The following TACR3 variants were observed in gnomAD, a reference collection of about 807,000 sequenced individuals.
TACR3 encodes the protein tachykinin receptor 3, also known as neuromedin-K receptor.
TACR3 carries 34 observed loss-of-function variants against 35.0 expected under a neutral mutation model. The observed-to-expected ratio is 0.97, with a 90% confidence interval of 0.74 to 1.30. TACR3 has a LOEUF of 1.30. TACR3 is among the 50% of genes most tolerant of loss of function. The probability of loss-of-function intolerance (pLI) is 0.00; values close to 1 mark genes in which losing one functional copy is unlikely to be tolerated. For synonymous variants in TACR3, 233 were observed against 221.1 expected, an observed-to-expected ratio of 1.05 and a Z score of -0.48; for missense variants, 558 against 591.7, an observed-to-expected ratio of 0.94 and a Z score of 0.59.
chr4:103,694,933 C>T (rs1350889601), intron 1 of TACR3, among the ~76,000 whole-genome samples: 1 of 152,080 alleles, frequency 6.6e-6, no homozygotes, highest in Non-Finnish European at 1.5e-5. Context: ...AATTTGACTG[C>T]AGATTCTTGT....
At position 103,589,888 on chromosome 4, in the gene TACR3, T is replaced by C. The variant is rs1333780583; in HGVS notation, c.1192A>G (p.Ser398Gly). The change falls in exon 5 of 5, where the codon AGC (serine) becomes GGC (glycine). Residue 398 changes from serine (S) to glycine (G), a missense_variant. Physicochemically the swap from Ser to Gly is moderately conservative, Grantham distance 56. Coordinates refer to ENST00000304883, the MANE Select transcript of TACR3 (RefSeq NM_001059.3). ...ATTCTGGTCACGGTGTACATACTGCTTTGCCGGTTTGGATGAAACCTGGTG... is the reference window on the plus strand; with the variant it reads ...ATTCTGGTCACGGTGTACATACTGCCTTGCCGGTTTGGATGAAACCTGGTG... ...KTTRFHPNRQ[S>G]SMYTVTRMES... 1 of 1,613,882 alleles carries C rather than the reference T, an allele frequency of 6.2e-7. No homozygotes were observed. The highest frequency in any genetic ancestry group is 2.2e-5 in the East Asian group (1 of 44,888).
chr4:103,636,815 T>G (rs1287228474), intron 3 of TACR3, among the ~76,000 whole-genome samples: 10 of 152,042 alleles, frequency 6.6e-5, no homozygotes, highest in Admixed American at 1.3e-4. Context: ...AACACCTGTA[T>G]GCAAATAAAC....
At chr4:103,700,567 T>C (rs982504917) in intron 1 of TACR3, among the ~76,000 whole-genome samples, 3 of 152,342 alleles carry the variant, frequency 2.0e-5, no homozygotes, top group Non-Finnish European at 2.9e-5. Flanking sequence ...AAACAGGTGA[T>C]GTCTCCTTAT....
intron 1 of TACR3, among the ~76,000 whole-genome samples, chr4:103,705,620 A>T (rs1722770286): frequency 6.6e-6 from 1 of 152,204 alleles, no homozygotes; most frequent in African/African-American, 2.4e-5. Flanking sequence ...TCTATAAGGA[A>T]ACAGCTAATT....
intron 3 of TACR3, among the ~76,000 whole-genome samples, chr4:103,595,953 A>G (rs1422060243): frequency 7.4e-6 from 1 of 135,012 alleles, no homozygotes; most frequent in Non-Finnish European, 1.5e-5. Context: ...TCCTGTGTCC[A>G]TATGTTCTCA....
intron 1 of TACR3, among the ~76,000 whole-genome samples, chr4:103,710,254 G>C (rs779025551): frequency 1.3e-5 from 2 of 152,148 alleles, no homozygotes; most frequent in Admixed American, 6.6e-5. Context: ...CACACCGTTG[G>C]AAGTAAAGCA....
intron 3 of TACR3, among the ~76,000 whole-genome samples, chr4:103,629,158 T>C (rs1217849634): frequency 7.9e-5 from 12 of 152,058 alleles, no homozygotes; most frequent in Admixed American, 7.9e-4. Flanking sequence ...TCAGAGCTAT[T>C]TATGACAAAC....
intron 1 of TACR3, among the ~76,000 whole-genome samples, chr4:103,708,258 G>C (rs1446433284): frequency 1.3e-5 from 2 of 152,152 alleles, no homozygotes; most frequent in African/African-American, 2.4e-5. Flanking sequence ...CCTCCAGTAG[G>C]GGCAGACTGA....
At chr4:103,632,513 G>C (rs540815398) in intron 3 of TACR3, among the ~76,000 whole-genome samples, 7 of 146,960 alleles carry the variant, frequency 4.8e-5, no homozygotes, top group Non-Finnish European at 6.0e-5. Flanking sequence ...ACAGGAAGGA[G>C]AACAACATAC....
At chr4:103,600,168 C>T (rs1000139051) in intron 3 of TACR3, among the ~76,000 whole-genome samples, 4 of 152,094 alleles carry the variant, frequency 2.6e-5, no homozygotes, top group African/African-American at 9.7e-5. Context: ...TCAACTTCTT[C>T]CTGGTTTAGT....
intron 1 of TACR3, among the ~76,000 whole-genome samples, chr4:103,704,012 G>GAGA (rs1420051974): frequency 1.3e-5 from 2 of 150,382 alleles, no homozygotes; most frequent in East Asian, 4.0e-4. Context: ...GCTGAGGCAG[G>GAGA]AGAATGGAGT....
At chr4:103,665,799 C>T (rs1423039530) in intron 1 of TACR3, among the ~76,000 whole-genome samples, 1 of 152,142 alleles carries the variant, frequency 6.6e-6, no homozygotes, top group Non-Finnish European at 1.5e-5. Context: ...ACCAATCTGA[C>T]TTTTAAAGTT....
At chr4:103,599,049 T>C (rs1724119002) in intron 3 of TACR3, among the ~76,000 whole-genome samples, 1 of 152,206 alleles carries the variant, frequency 6.6e-6, no homozygotes, top group Non-Finnish European at 1.5e-5. Flanking sequence ...TTGGGCAGTA[T>C]GGCCATTTTC....
At chr4:103,621,118 G>C (rs1317487427) in intron 3 of TACR3, among the ~76,000 whole-genome samples, 1 of 152,190 alleles carries the variant, frequency 6.6e-6, no homozygotes, top group African/African-American at 2.4e-5. Context: ...TATTGTGGAA[G>C]CTCAATGTGA....
rs191666766 is a variant in TACR3 at position 103,600,887 on chromosome 4, G to T, written c.889-9204C>A. On this transcript the variant is annotated intron_variant, in intron 3 of 4. Transcript: ENST00000304883. Reference sequence around the variant, plus strand: ...GGAGTGCTTTACTTCCAACTATGTGGTCAGTTTTGGAGTAGGTGTGGTGTG... The same window carrying T: ...GGAGTGCTTTACTTCCAACTATGTGTTCAGTTTTGGAGTAGGTGTGGTGTG... Among the ~76,000 whole-genome samples the T allele has an allele frequency of 7.5e-3, 1,135 of 152,200 alleles. 16 individuals carry two copies. The highest frequency in any genetic ancestry group is 0.026 in the African/African-American group (1,074 of 41,512).
rs1726244988 is a variant in TACR3, at chr4:103,679,637, A to T, written c.549-21234T>A. On this transcript the variant is annotated intron_variant, in intron 1 of 4. Transcript: ENST00000304883. ...AGAGGAGATGGTATGAATCCTTTTA[A>T]TTGAGCTCTACTTGTTTTATGAGAC... 2.0e-5 allele frequency among the ~76,000 whole-genome samples: 3 copies of T among 151,956 alleles called. No homozygotes were observed. The South Asian group carries it at 6.2e-4, about 31-fold the overall frequency.
rs540787424 is a variant in TACR3, at chr4:103,684,790, G to A, written c.549-26387C>T. ...GGCTGAGGTGGGAGGGTCACTTGAG[G>A]CCAGGAGCTCAAGACCAGCCTGGCC... On this transcript the variant is annotated intron_variant, in intron 1 of 4. Transcript: ENST00000304883. 2.6e-5 allele frequency among the ~76,000 whole-genome samples: 4 copies of A among 151,964 alleles called. No individual in the cohort carries two copies. In the South Asian group the frequency reaches 8.3e-4, roughly 32 times the overall value.
At chr4:103,692,281 A>G (rs960138241) in intron 1 of TACR3, among the ~76,000 whole-genome samples, 10 of 152,222 alleles carry the variant, frequency 6.6e-5, no homozygotes, top group African/African-American at 2.4e-4. Flanking sequence ...TATAAATATC[A>G]TAAAAATTAG....
intron 3 of TACR3, among the ~76,000 whole-genome samples, chr4:103,630,554 T>C (rs1028394848): frequency 1.3e-5 from 2 of 152,146 alleles, no homozygotes; most frequent in Non-Finnish European, 2.9e-5. Flanking sequence ...AGAAGACATT[T>C]ATGCAGCCAA....
Sources: allele counts gnomAD v4.1 joint callset (sites outside exome capture counted in the v4.1 genomes callset), GRCh38; gene constraint gnomAD v4.1.1; transcripts MANE v1.5; gene names NCBI Gene and HGNC (gene_info 2026-07-23, HGNC 2026-07-21).